The following COL4A5 variants were observed in gnomAD, a reference collection of about 807,000 sequenced individuals.
COL4A5 encodes the protein collagen alpha-5(IV) chain.
Under a neutral mutation model 130.2 loss-of-function variants are expected in COL4A5, and 26 were observed. The ratio of observed to expected loss-of-function variants is 0.20; its 90% confidence interval spans 0.15 to 0.28. COL4A5 has a LOEUF of 0.28. Among genes scored for constraint, COL4A5 ranks in the 10% least tolerant of loss-of-function variants. COL4A5 has a pLI of 1.00. For synonymous variants in COL4A5, 496 were observed against 439.6 expected, an observed-to-expected ratio of 1.13 and a Z score of -1.60; for missense variants, 1,131 against 1,344.3, an observed-to-expected ratio of 0.84 and a Z score of 2.48.
At chrX:108,640,776 CAT>C (rs1397638454) in intron 36 of COL4A5, among the ~76,000 whole-genome samples, 4 of 111,649 alleles carry the variant, frequency 3.6e-5, no homozygotes, top group African/African-American at 1.3e-4. Context: ...TAAAAAGCCA[CAT>C]AAAATGAAAA....
chrX:108,561,339 T>C (rs1284211023), intron 3 of COL4A5, among the ~76,000 whole-genome samples: 1 of 111,352 alleles, frequency 9.0e-6, no homozygotes, highest in Non-Finnish European at 1.9e-5. Context: ...ATCAGCCCCA[T>C]GGATCAGCTC....
At chrX:108,626,096 A>C in intron 35 of COL4A5, 114 bp from the exon 36 acceptor site, 2 of 696,272 alleles carry the variant, frequency 2.9e-6, no homozygotes, top group Non-Finnish European at 4.3e-6. Context: ...ATTATTATCT[A>C]ACTCAGAGTT....
chrX:108,491,515 C>T (rs934777143), intron 1 of COL4A5, among the ~76,000 whole-genome samples: 6 of 111,527 alleles, frequency 5.4e-5, no homozygotes, highest in Non-Finnish European at 1.1e-4. Context: ...ACTAAATAAA[C>T]TGGCAAATAC....
chrX:108,482,097 A>C (rs73524422), intron 1 of COL4A5, among the ~76,000 whole-genome samples: 10,633 of 111,432 alleles, frequency 0.095, 1,154 homozygotes, highest in African/African-American at 0.32. Flanking sequence ...GTCCCTAAGC[A>C]GTGGGCCCAA....
At chrX:108,616,863 G>T (rs2066937638) in intron 30 of COL4A5, among the ~76,000 whole-genome samples, 1 of 108,593 alleles carries the variant, frequency 9.2e-6, no homozygotes, top group African/African-American at 3.3e-5. Context: ...TAAATATATA[G>T]ATATAAATAT....
chrX:108,673,738 A>T (rs1052446772), intron 42 of COL4A5, among the ~76,000 whole-genome samples: 22 of 106,271 alleles, frequency 2.1e-4, no homozygotes, highest in Admixed American at 1.0e-3. Context: ...ATAATAATAT[A>T]ATAATAATAA....
intron 23 of COL4A5, 116 bp downstream of exon 23, chrX:108,597,184 G>A (rs1480558057): frequency 1.2e-5 from 10 of 801,471 alleles, no homozygotes; most frequent in African/African-American, 2.1e-5. Flanking sequence ...CCATTAAGTT[G>A]TACTTTGTTT....
At chrX:108,527,263 G>A (rs1161535698) in intron 1 of COL4A5, among the ~76,000 whole-genome samples, 1 of 110,992 alleles carries the variant, frequency 9.0e-6, no homozygotes, top group Non-Finnish European at 1.9e-5. Context: ...GATGTATTAA[G>A]TATTGTGCCC....
chrX:108,482,064 C>T (rs372767797), intron 1 of COL4A5, among the ~76,000 whole-genome samples: 8 of 111,446 alleles, frequency 7.2e-5, no homozygotes, highest in East Asian at 2.8e-4. Context: ...TTTAACTCCC[C>T]GAGCTGAAAC....
intron 1 of COL4A5, among the ~76,000 whole-genome samples, chrX:108,492,658 G>T (rs745631821): frequency 9.0e-6 from 1 of 111,502 alleles, no homozygotes; most frequent in East Asian, 2.8e-4. Flanking sequence ...ACTACTAGAG[G>T]ATCCCCATTT....
At chrX:108,497,733 C>G (rs1462352648) in intron 1 of COL4A5, among the ~76,000 whole-genome samples, 1 of 111,689 alleles carries the variant, frequency 9.0e-6, no homozygotes, top group African/African-American at 3.2e-5. Flanking sequence ...TGGGCTGATT[C>G]TTTGCTGTGA....
intron 3 of COL4A5, 64 bp downstream of exon 3, chrX:108,559,217 G>A (rs1479884855): frequency 1.2e-6 from 1 of 855,131 alleles, no homozygotes; most frequent in Non-Finnish European, 1.7e-6. Flanking sequence ...GTGGGACTAG[G>A]TGTCACATCA....
intron 37 of COL4A5, among the ~76,000 whole-genome samples, chrX:108,660,075 A>G (rs1285583529): frequency 9.0e-6 from 1 of 111,257 alleles, no homozygotes; most frequent in Non-Finnish European, 1.9e-5. Flanking sequence ...TTCAGTGTGC[A>G]CTCATAATTT....
At chrX:108,566,011 G>A (rs2065963150) in intron 4 of COL4A5, among the ~76,000 whole-genome samples, 1 of 101,483 alleles carries the variant, frequency 9.9e-6, no homozygotes, top group African/African-American at 3.7e-5. Flanking sequence ...TTGATGTTAG[G>A]TTTGATCAGT....
intron 33 of COL4A5, 27 bp from the exon 34 acceptor site, chrX:108,624,209 C>G: frequency 8.8e-7 from 1 of 1,133,619 alleles, no homozygotes; most frequent in Non-Finnish European, 1.2e-6. Context: ...ATCATCCTAA[C>G]TTGCCTCTTC....
chrX:108,474,676 G>T (rs1210781402), intron 1 of COL4A5, among the ~76,000 whole-genome samples: 4 of 111,651 alleles, frequency 3.6e-5, no homozygotes, highest in Non-Finnish European at 7.5e-5. Flanking sequence ...AGAAATTGCT[G>T]CCCAGAACAA....
chrX:108,573,493 T>A (rs1171783447), intron 8 of COL4A5, 81 bp from the exon 9 acceptor site: 1 of 646,549 alleles, frequency 1.5e-6, no homozygotes, highest in Non-Finnish European at 2.6e-6. Context: ...ACAAATTGAA[T>A]CTTCAGATCA....
chrX:108,444,021 G>C (rs912719055), intron 1 of COL4A5, among the ~76,000 whole-genome samples: 3 of 111,401 alleles, frequency 2.7e-5, no homozygotes, highest in Non-Finnish European at 5.7e-5. Flanking sequence ...GTTTATAGCA[G>C]TATGGACTTA....
Position 108,507,918 on chromosome X carries a change from C to G in COL4A5, c.82-31828C>G, listed in dbSNP as rs760420542. ...TAATAAGAGCTCTCTGTGACAAACC[C>G]ACAGCCAACCTCATACTGAATGGGC... On this transcript the variant is annotated intron_variant, in intron 1 of 52. Coordinates refer to ENST00000328300, the MANE Select transcript of COL4A5 (RefSeq NM_033380.3). Among the ~76,000 whole-genome samples the G allele has an allele frequency of 4.5e-5, 5 of 111,692 alleles. No homozygotes were observed. The East Asian group carries it at 1.4e-3, about 32-fold the overall frequency.
Sources: gnomAD v4.1 joint callset for allele counts (sites outside exome capture counted in the v4.1 genomes callset) on GRCh38, gnomAD v4.1.1 for gene constraint, MANE v1.5 for transcripts, NCBI Gene and HGNC (gene_info 2026-07-23, HGNC 2026-07-21) for gene names.